The following PI4KA variants were observed in gnomAD, a reference collection of about 807,000 sequenced individuals.
PI4KA encodes the protein PI4-kinase alpha.
A neutral mutation model predicts 271.4 loss-of-function variants in PI4KA; 122 were observed. The observed-to-expected ratio is 0.45, with a 90% CI of 0.39 to 0.52. The LOEUF is 0.52. Ranked by LOEUF, PI4KA falls within the 20% of genes least tolerant of loss-of-function variation. The pLI is 0.00. For missense variants in PI4KA, 1,969 were observed against 2,769.1 expected (o/e 0.71, Z 6.48); for synonymous variants, 1,041 against 1,078.8 (o/e 0.96, Z 0.69).
Position 20,841,117 on chromosome 22 carries a change from T to G in PI4KA, c.157-2386A>C, listed in dbSNP as rs562821157. Among the ~76,000 whole-genome samples, 296 of 152,244 alleles carry G rather than the reference T, an allele frequency of 1.9e-3. 1 individual carries two copies. Among genetic ancestry groups the G allele is most frequent in the Non-Finnish European group, 2.6e-3 (177 of 67,998 alleles). ...CTGGTCTCGAACTCCTTATCTCAGG[T>G]GATACGCCCACCTCGGCCTCCCAGA... On this transcript the variant is annotated intron_variant, in intron 1 of 54. Transcript: ENST00000255882.
At chr22:20,836,944 A>C (rs932938067) in intron 2 of PI4KA, among the ~76,000 whole-genome samples, 1 of 152,250 alleles carries the variant, frequency 6.6e-6, no homozygotes, top group East Asian at 1.9e-4. Context: ...CGTGTTTGCC[A>C]AAGATATTAT....
chr22:20,820,345 C>A (rs368616384), intron 5 of PI4KA, among the ~76,000 whole-genome samples, 194 bp downstream of exon 5: 1 of 152,108 alleles, frequency 6.6e-6, no homozygotes, highest in Non-Finnish European at 1.5e-5. Context: ...GGTGACCCAG[C>A]GTCTATGTAG....
chr22:20,798,970 A>G, intron 16 of PI4KA, 123 bp downstream of exon 16: 1 of 782,760 alleles, frequency 1.3e-6, no homozygotes, highest in South Asian at 1.8e-5. Context: ...CCGCATTAAA[A>G]CCGTTGTCAG....
At chr22:20,752,393 T>C (rs1169354075) in intron 25 of PI4KA, among the ~76,000 whole-genome samples, 2 of 152,184 alleles carry the variant, frequency 1.3e-5, no homozygotes, top group Admixed American at 6.5e-5. Flanking sequence ...TCCATGTGGG[T>C]GTTTTGCTGC....
At chr22:20,787,261 G>A (rs1934323455) in intron 19 of PI4KA, 1 of 622,332 alleles carries the variant, frequency 1.6e-6, no homozygotes, top group Non-Finnish European at 2.9e-6. Flanking sequence ...AATAGCCCAT[G>A]CTGTAAGCTC....
At chr22:20,769,033 A>G (rs1932761636) in intron 19 of PI4KA, among the ~76,000 whole-genome samples, 1 of 152,164 alleles carries the variant, frequency 6.6e-6, no homozygotes, top group Admixed American at 6.5e-5. Context: ...TTCAAGGCCT[A>G]TGTGGCTAAG....
chr22:20,784,841 T>TCC (rs1176822049), intron 19 of PI4KA, among the ~76,000 whole-genome samples: 1 of 152,192 alleles, frequency 6.6e-6, no homozygotes, highest in African/African-American at 2.4e-5. Flanking sequence ...TCTTACTGGA[T>TCC]ACTGGCTAGG....
intron 19 of PI4KA, among the ~76,000 whole-genome samples, chr22:20,784,400 G>A (rs1466387552): frequency 6.6e-6 from 1 of 152,150 alleles, no homozygotes; most frequent in African/African-American, 2.4e-5. Flanking sequence ...GCCCCAATTT[G>A]TTGCTTGAGA....
chr22:20,746,885 C>T (rs904078813), intron 29 of PI4KA, among the ~76,000 whole-genome samples: 4 of 152,222 alleles, frequency 2.6e-5, no homozygotes, highest in Non-Finnish European at 4.4e-5. Context: ...TCTCTCCCGC[C>T]GGTATCCCAA....
chr22:20,828,729 T>C (rs552462312), intron 3 of PI4KA, among the ~76,000 whole-genome samples: 1 of 152,164 alleles, frequency 6.6e-6, no homozygotes, highest in South Asian at 2.1e-4. Context: ...TAATTTTTTG[T>C]ATTTCAGGAG....
intron 19 of PI4KA, among the ~76,000 whole-genome samples, chr22:20,786,336 C>T (rs1016740040): frequency 1.3e-5 from 2 of 152,140 alleles, no homozygotes; most frequent in African/African-American, 2.4e-5. Flanking sequence ...AGCACGGCAC[C>T]TGGCAGACAC....
intron 9 of PI4KA, among the ~76,000 whole-genome samples, chr22:20,809,071 C>T (rs888024114): frequency 3.0e-4 from 46 of 152,120 alleles, no homozygotes; most frequent in African/African-American, 1.1e-3. Flanking sequence ...GATGGCTTTA[C>T]AGACAACGTC....
intron 18 of PI4KA, 122 bp downstream of exon 18, chr22:20,796,024 G>C: frequency 2.2e-6 from 2 of 898,266 alleles, no homozygotes; most frequent in Non-Finnish European, 3.4e-6. Flanking sequence ...TTGCATTCCA[G>C]GCACATTTAA....
chr22:20,838,554 C>G, intron 2 of PI4KA, 61 bp downstream of exon 2: 1 of 936,002 alleles, frequency 1.1e-6, no homozygotes, highest in Non-Finnish European at 1.7e-6. Context: ...CAGATACAAA[C>G]TTAAACGCTC....
chr22:20,718,711 T>C lies in PI4KA; in HGVS notation c.5228A>G (p.Asn1743Ser), dbSNP rs148493225. Residue 1743 changes from asparagine (N) to serine (S), a missense_variant, in exon 44 of 55, where the codon AAC becomes AGC. Around this residue, in one of 13 missense-constraint regions of PI4KA, gnomAD observed 388 missense variants for 521.5 expected, o/e 0.74. Transcript: ENST00000255882. ...CACTTACTTGATGATAGCCGACACG[T>C]TGGTGATCTTGTTAAAGAAATCAAA... ...REFDFFNKITNVSAIIKPYPK... is the reference protein window; with the variant it reads ...REFDFFNKITSVSAIIKPYPK... 4.2e-5 allele frequency: 67 copies of C among 1,613,618 alleles called. No homozygotes were observed. The highest frequency in any genetic ancestry group is 3.1e-5 in the Non-Finnish European group (36 of 1,179,886).
At chr22:20,774,989 T>A (rs1218933035) in intron 19 of PI4KA, among the ~76,000 whole-genome samples, 1 of 152,160 alleles carries the variant, frequency 6.6e-6, no homozygotes, top group Non-Finnish European at 1.5e-5. Flanking sequence ...TCTTTCAACA[T>A]TTTTGGAAGT....
chr22:20,796,120 G>A lies in PI4KA; in HGVS notation c.2277+26C>T, dbSNP rs200262394. On this transcript the variant is annotated intron_variant, in intron 18 of 54. Coordinates refer to ENST00000255882, the MANE Select transcript of PI4KA (RefSeq NM_058004.4). ...CCAGCAGGGATAGGACACTGATGGG[G>A]AAGGCATAGCCATCCTCCTTCCTAC... The A allele has an allele frequency of 2.2e-4, 354 of 1,598,174 alleles. 2 individuals carry two copies. The African/African-American group carries it at 4.1e-3, about 18-fold the overall frequency.
Position 20,780,160 on chromosome 22 carries a change from C to G in PI4KA, c.2328+13033G>C, listed in dbSNP as rs375194591. On this transcript the variant is annotated intron_variant, in intron 19 of 54. Coordinates refer to ENST00000255882, the MANE Select transcript of PI4KA (RefSeq NM_058004.4). ...AAAGATGCTCTGGAGAATATAGACC[C>G]TGCTACCCAGATGATGATTCTCAAC... 59 of 1,614,096 alleles carry G rather than the reference C, an allele frequency of 3.7e-5. No individual in the cohort carries two copies. The highest frequency in any genetic ancestry group is 3.3e-4 in the Middle Eastern group (2 of 6,084).
At chr22:20,851,829 C>T (rs895053908) in intron 1 of PI4KA, among the ~76,000 whole-genome samples, 1 of 152,236 alleles carries the variant, frequency 6.6e-6, no homozygotes, top group African/African-American at 2.4e-5. Context: ...AAGTAGCGTT[C>T]TGGCCAACTT....
Sources: allele counts gnomAD v4.1 joint callset (sites outside exome capture counted in the v4.1 genomes callset), GRCh38; gene constraint gnomAD v4.1.1; regional missense constraint gnomAD v4.1.1; transcripts MANE v1.5; gene names NCBI Gene and HGNC (gene_info 2026-07-23, HGNC 2026-07-21).